DNAJC16: variants seen among roughly 807,000 people sequenced by gnomAD.
DNAJC16 encodes the protein dnaJ homolog subfamily C member 16.
DNAJC16 carries 76 observed loss-of-function variants against 92.7 expected under a neutral mutation model. The observed-to-expected ratio is 0.82, with a 90% CI of 0.68 to 0.99. The LOEUF is 0.99. DNAJC16 is among the 50% of genes least tolerant of loss of function. The pLI, the probability that DNAJC16 is intolerant of heterozygous loss-of-function variation, is 0.00. For missense variants in DNAJC16, 869 were observed against 942.4 expected (o/e 0.92, Z 1.02); for synonymous variants, 328 against 358.7 (o/e 0.91, Z 0.97).
rs1391146856 is a variant in DNAJC16, at chr1:15,567,235, C to T, written c.1915C>T (p.Gln639Ter). Reference protein sequence around the residue: ...LSNSTKTSLLQKFALEVYTFT... With the variant: ...LSNSTKTSLL ...GAATTCTACCAAGACCAGCCTACTA[C>T]AGAAATTTGCTTTGGAGGTCTACAC... Residue 639 changes from glutamine to a stop codon, truncating the protein, a stop_gained, in exon 14 of 15, where the codon CAG (glutamine) becomes TAG (stop). Coordinates refer to ENST00000375847, the MANE Select transcript of DNAJC16 (RefSeq NM_015291.4). LOFTEE classifies it high-confidence loss of function. 1 of 1,613,680 alleles carries T rather than the reference C, an allele frequency of 6.2e-7. No homozygotes were observed. Among genetic ancestry groups the T allele is most frequent in the Non-Finnish European group, 8.5e-7 (1 of 1,179,794 alleles).
intron 5 of DNAJC16, 103 bp from the exon 6 acceptor site, chr1:15,546,664 C>A: frequency 2.3e-6 from 2 of 864,806 alleles, no homozygotes; most frequent in Non-Finnish European, 3.5e-6. Flanking sequence ...TTATTTTTTG[C>A]AATCTTTTAC....
chr1:15,547,499 G>C (rs1431281450), intron 6 of DNAJC16, among the ~76,000 whole-genome samples: 1 of 150,444 alleles, frequency 6.6e-6, no homozygotes, highest in Non-Finnish European at 1.5e-5. Flanking sequence ...CTGGAGTGCA[G>C]TGGTGTGATC....
At chr1:15,562,842 A>G (rs1166411332) in intron 9 of DNAJC16, among the ~76,000 whole-genome samples, 1 of 151,238 alleles carries the variant, frequency 6.6e-6, no homozygotes, top group Non-Finnish European at 1.5e-5. Context: ...TGTCAGCCTC[A>G]GGCCCCCACA....
At chr1:15,548,611 G>A (rs1346782238) in intron 7 of DNAJC16, among the ~76,000 whole-genome samples, 183 bp downstream of exon 7, 1 of 152,124 alleles carries the variant, frequency 6.6e-6, no homozygotes, top group South Asian at 2.1e-4. Context: ...AATTTAAAAC[G>A]TTTAAAAATT....
rs766931516 is a variant in DNAJC16, at chr1:15,550,802, C to CA, written c.1023+2375dup. ...CCAGGCAGGGCACCAGGCCACCTAC[C>CA]ATCATTGTGTGCTTCACCCCCAATC... On this transcript the variant is annotated intron_variant, in intron 7 of 14. Coordinates refer to ENST00000375847, the MANE Select transcript of DNAJC16 (RefSeq NM_015291.4). 1.2e-4 allele frequency among the ~76,000 whole-genome samples: 19 copies of CA among 152,314 alleles called. 1 individual carries two copies. In the East Asian group the frequency reaches 2.5e-3, roughly 20 times the overall value.
Position 15,568,081 on chromosome 1 carries a change from C to G in DNAJC16, c.2253C>G (p.Ile751Met). The G allele has an allele frequency of 1.2e-6, 2 of 1,614,160 alleles. No homozygotes were observed. The highest frequency in any genetic ancestry group is 2.2e-5 in the East Asian group (1 of 44,880). ...CCTGTGGCCTTGGATCCAGGCCCAT[C>G]AAAGGAAAGTTGAGCAAGCTCTCTT... ...KPSCGLGSRP[I>M]KGKLSKLSLW... Residue 751 changes from isoleucine (I) to methionine (M), a missense_variant, in exon 15 of 15, where the codon ATC (isoleucine) becomes ATG (methionine). By Grantham distance (10) the Ile-to-Met change is conservative (BLOSUM62 1). Coordinates refer to ENST00000375847, the MANE Select transcript of DNAJC16 (RefSeq NM_015291.4).
chr1:15,567,282 G>A lies in DNAJC16; in HGVS notation c.1949+13G>A. ...ACACATTTACTGGGTAAGCATGTGT[G>A]TGTGTGCATGTATGTATGTGTGTGA... On this transcript the variant is annotated intron_variant, in intron 14 of 14. Coordinates refer to ENST00000375847, the MANE Select transcript of DNAJC16 (RefSeq NM_015291.4). The A allele has an allele frequency of 6.2e-7, 1 of 1,608,856 alleles. No homozygotes were observed. Among genetic ancestry groups the A allele is most frequent in the Non-Finnish European group, 8.5e-7 (1 of 1,175,826 alleles).
intron 3 of DNAJC16, 86 bp downstream of exon 3, chr1:15,534,389 G>A (rs1710733062): frequency 7.2e-7 from 1 of 1,397,252 alleles, no homozygotes; most frequent in South Asian, 1.2e-5. Flanking sequence ...TTGTCAGAAA[G>A]GTCATGTTCC....
At position 15,566,010 on chromosome 1, in the gene DNAJC16, T is replaced by C. The variant is rs1220476117; in HGVS notation, c.1679+11T>C. 2 of 1,613,838 alleles carry C rather than the reference T, an allele frequency of 1.2e-6. No individual in the cohort carries two copies. The highest frequency in any genetic ancestry group is 1.3e-5 in the African/African-American group (1 of 74,876). ...CGTTCAGGCTTTCAGGTAAATGTCC[T>C]GTGGCTTCTCGGTGCACCACCATGG... On this transcript the variant is annotated intron_variant, in intron 12 of 14. Transcript: ENST00000375847.
intron 5 of DNAJC16, 31 bp downstream of exon 5, chr1:15,544,614 G>A: frequency 6.2e-7 from 1 of 1,609,040 alleles, no homozygotes; most frequent in East Asian, 2.2e-5. Flanking sequence ...CTATGGCTGA[G>A]AAGTAGTTTA....
chr1:15,539,010 G>C (rs976105463), intron 4 of DNAJC16, among the ~76,000 whole-genome samples: 1 of 152,084 alleles, frequency 6.6e-6, no homozygotes, highest in African/African-American at 2.4e-5. Context: ...GTGCAGCTGA[G>C]GGGGGAAAAA....
chr1:15,549,181 T>A (rs1638383329), intron 7 of DNAJC16, among the ~76,000 whole-genome samples: 1 of 152,092 alleles, frequency 6.6e-6, no homozygotes. Flanking sequence ...GGAAACCAGA[T>A]GGGAAAGTGG....
rs750421159 is a variant in DNAJC16, at chr1:15,534,187, G to A, written c.168-50G>A. The A allele has an allele frequency of 1.7e-5, 27 of 1,589,848 alleles. No individual in the cohort carries two copies. The Admixed American group carries it at 4.5e-4, about 27-fold the overall frequency. On this transcript the variant is annotated intron_variant, in intron 2 of 14. Transcript: ENST00000375847. Reference sequence around the variant, plus strand: ...CTGTGGACAAGGACATTAAATGACTGTGCATTAAAAGTTACATCCTTTCTC... The same window carrying A: ...CTGTGGACAAGGACATTAAATGACTATGCATTAAAAGTTACATCCTTTCTC...
At chr1:15,528,045 C>A (rs1710561439) in intron 1 of DNAJC16, among the ~76,000 whole-genome samples, 1 of 152,202 alleles carries the variant, frequency 6.6e-6, no homozygotes, top group Non-Finnish European at 1.5e-5. Context: ...CTTTTAAAGA[C>A]CACGCCTGCT....
Position 15,548,339 on chromosome 1 carries a change from G to A in DNAJC16, c.934G>A (p.Glu312Lys). 2 of 1,614,194 alleles carry A rather than the reference G, an allele frequency of 1.2e-6. No individual in the cohort carries two copies. The highest frequency in any genetic ancestry group is 1.7e-6 in the Non-Finnish European group (2 of 1,180,022). Residue 312 changes from glutamate (E) to lysine (K), a missense_variant, in exon 7 of 15, where the codon GAG (glutamate) becomes AAG (lysine). Glu to Lys is a moderately conservative substitution (Grantham distance 56). Transcript: ENST00000375847. ...YVYVGLRGTE[E>K]MTRRYNINIY... ...ATATGTGGGTTTGAGAGGGACGGAA[G>A]AGATGACAAGGCGGTACAACATCAA...
chr1:15,545,628 G>A (rs1415618450), intron 5 of DNAJC16, among the ~76,000 whole-genome samples: 2 of 152,170 alleles, frequency 1.3e-5, no homozygotes, highest in Non-Finnish European at 2.9e-5. Context: ...AGCCCGCTTT[G>A]TAAGAAGTTT....
At chr1:15,531,436 G>C (rs1710658365) in intron 2 of DNAJC16, among the ~76,000 whole-genome samples, 1 of 152,186 alleles carries the variant, frequency 6.6e-6, no homozygotes, top group Non-Finnish European at 1.5e-5. Flanking sequence ...TTTATACCAA[G>C]GTTATGTTCT....
At chr1:15,554,280 A>G (rs1424647050) in intron 7 of DNAJC16, among the ~76,000 whole-genome samples, 3 of 151,960 alleles carry the variant, frequency 2.0e-5, no homozygotes, top group African/African-American at 7.2e-5. Flanking sequence ...TTGTTGACAG[A>G]GTTTTTCCAG....
At chr1:15,542,276 C>T (rs1005147440) in intron 4 of DNAJC16, 2 of 152,318 alleles carry the variant, frequency 1.3e-5, no homozygotes, top group African/African-American at 4.8e-5. Flanking sequence ...AGTAAGGAGC[C>T]TCACCTGGGG....
Sources: allele counts gnomAD v4.1 joint callset (sites outside exome capture counted in the v4.1 genomes callset), GRCh38; gene constraint gnomAD v4.1.1; transcripts MANE v1.5; gene names NCBI Gene and HGNC (gene_info 2026-07-23, HGNC 2026-07-21).